Variants in LGALS1 observed in about 807,000 individuals in gnomAD.
LGALS1 encodes galectin 1.
LGALS1 carries 14 observed loss-of-function variants against 14.4 expected under a neutral mutation model. The ratio of observed to expected loss-of-function variants is 0.97; its 90% CI spans 0.64 to 1.52. LGALS1 has a LOEUF of 1.52. Among genes scored for constraint, LGALS1 ranks in the 40% most tolerant of loss-of-function variants. The pLI is 0.00. For missense variants in LGALS1, 170 were observed against 181.4 expected (o/e 0.94, Z 0.36); for synonymous variants, 71 against 73.4 (o/e 0.97, Z 0.17).
At position 37,677,143 on chromosome 22, in the gene LGALS1, A is replaced by G. The variant is rs1015579515; in HGVS notation, c.89+78A>G. The G allele has an allele frequency of 5.1e-6, 7 of 1,376,508 alleles. No homozygotes were observed. In the African/African-American group the frequency reaches 7.1e-5, roughly 14 times the overall value. The allele number at this position is 1,376,508 out of a possible 1,614,324, so 85.3% of individuals were successfully genotyped here. A position where few individuals can be genotyped will look rare whatever the true frequency, so the allele number is the denominator to read the frequency against. ...GGAGGGCGTGGCCGGCCAAGCCCAC[A>G]TCTCCTCCCTGGCCGGGAGCGGGTT... On this transcript the variant is annotated intron_variant, in intron 2 of 3. Coordinates refer to ENST00000215909, the MANE Select transcript of LGALS1 (RefSeq NM_002305.4).
chr22:37,679,781 A>G lies in LGALS1; in HGVS notation c.*32A>G. The G allele has an allele frequency of 1.9e-6, 3 of 1,560,438 alleles. No individual in the cohort carries two copies. Among genetic ancestry groups the G allele is most frequent in the Non-Finnish European group, 2.6e-6 (3 of 1,148,868 alleles). On this transcript the variant is annotated 3_prime_UTR_variant, in exon 4 of 4. Coordinates refer to ENST00000215909, the MANE Select transcript of LGALS1 (RefSeq NM_002305.4). ...CCAGCCCATGGCCCCCAATAAAGGC[A>G]GCTGCCTCTGCTCCCTCTGAACCAG...
intron 1 of LGALS1, 147 bp downstream of exon 1, chr22:37,675,858 A>T (rs1921406155): frequency 1.6e-6 from 1 of 625,568 alleles, no homozygotes; most frequent in Non-Finnish European, 2.6e-6. Context: ...CAGTGGCCAC[A>T]TCTGTAAAAT....
intron 1 of LGALS1, 128 bp from the exon 2 acceptor site, chr22:37,676,858 T>A (rs780409081): frequency 1.2e-6 from 1 of 867,342 alleles, no homozygotes; most frequent in African/African-American, 1.7e-5. Context: ...TTCCCCAGGC[T>A]TCCCCTTGGC....
At chr22:37,679,338 G>C (rs990827123) in intron 3 of LGALS1, among the ~76,000 whole-genome samples, 2 of 151,446 alleles carry the variant, frequency 1.3e-5, no homozygotes, top group Non-Finnish European at 2.9e-5. Flanking sequence ...GGCTGAGACA[G>C]GAGAATCACT....
intron 3 of LGALS1, 21 bp downstream of exon 3, chr22:37,678,675 G>C: frequency 2.6e-6 from 4 of 1,562,134 alleles, no homozygotes; most frequent in South Asian, 1.2e-5. Flanking sequence ...GACCGGAACC[G>C]GGGACCAGGG....
rs1219690779 is a variant in LGALS1, at chr22:37,675,676, C to T, written c.-27C>T. On this transcript the variant is annotated 5_prime_UTR_variant, in exon 1 of 4. Coordinates refer to ENST00000215909, the MANE Select transcript of LGALS1 (RefSeq NM_002305.4). ...AGTCTTCTGACAGCTGGTGCGCCTG[C>T]CCGGGAACATCCTCCTGGACTCAAT... is the stretch of plus-strand genomic sequence containing the variant. 1 of 1,549,624 alleles carries T rather than the reference C, an allele frequency of 6.5e-7. No individual in the cohort carries two copies. Among genetic ancestry groups the T allele is most frequent in the South Asian group, 1.2e-5 (1 of 83,864 alleles).
rs765138665 is a variant in LGALS1, at chr22:37,677,088, T to TG, written c.89+26dup. The TG allele has an allele frequency of 3.7e-6, 6 of 1,611,466 alleles. No individual in the cohort carries two copies. The East Asian group carries it at 1.3e-4, about 36-fold the overall frequency. On this transcript the variant is annotated intron_variant, in intron 2 of 3. Transcript: ENST00000215909. ...GAGGTGAGAAGTGAAGTCGGGGTGGTGGGCGGCAGGGACGGGCTTGGTCCA... is the reference window on the plus strand; with the variant it reads ...GAGGTGAGAAGTGAAGTCGGGGTGGTGGGGCGGCAGGGACGGGCTTGGTCCA...
chr22:37,678,839 A>G lies in LGALS1; in HGVS notation c.261+185A>G, dbSNP rs368568505. On this transcript the variant is annotated intron_variant, in intron 3 of 3. Coordinates refer to ENST00000215909, the MANE Select transcript of LGALS1 (RefSeq NM_002305.4). ...GGTTGATTACAATAAAACGAAGGGG[A>G]AAAAAAAAGGCTGGGCTTGGTGGCT... Among the ~76,000 whole-genome samples the G allele has an allele frequency of 3.3e-3, 500 of 151,546 alleles. 1 individual carries two copies. The highest frequency in any genetic ancestry group is 0.01 in the African/African-American group (434 of 41,350).
Position 37,677,244 on chromosome 22 carries a change from G to T in LGALS1, c.89+179G>T, listed in dbSNP as rs965774852. ...GGGTCTGGGCGCCCCCACCGTTGCC[G>T]CCCCCTCCCCCGCTCCCTCCCTGCT... On this transcript the variant is annotated intron_variant, in intron 2 of 3. Transcript: ENST00000215909. The T allele has an allele frequency of 2.0e-4, 124 of 616,390 alleles. No individual in the cohort carries two copies. The Middle Eastern group carries it at 2.2e-3, about 11-fold the overall frequency. 38.2% of individuals were successfully genotyped at this position (616,390 alleles called of 1,614,324 possible). A position where few individuals can be genotyped will look rare whatever the true frequency, so the allele number is the denominator to read the frequency against.
chr22:37,677,055 G>A lies in LGALS1; in HGVS notation c.79G>A (p.Asp27Asn). The change falls in exon 2 of 4, where the codon GAC becomes AAC. Residue 27 changes from aspartate (D) to asparagine (N), a missense_variant. Asp to Asn is a conservative substitution (Grantham distance 23). Coordinates refer to ENST00000215909, the MANE Select transcript of LGALS1 (RefSeq NM_002305.4). ...CLRVRGEVAPDAKSFVLNLGK... is the reference protein window; with the variant it reads ...CLRVRGEVAPNAKSFVLNLGK... Reference sequence around the variant, plus strand: ...TCGAGTGCGAGGCGAGGTGGCTCCTGACGCTAAGAGGTGAGAAGTGAAGTC... The same window carrying A: ...TCGAGTGCGAGGCGAGGTGGCTCCTAACGCTAAGAGGTGAGAAGTGAAGTC... The A allele has an allele frequency of 6.2e-7, 1 of 1,613,992 alleles. No homozygotes were observed. The highest frequency in any genetic ancestry group is 8.5e-7 in the Non-Finnish European group (1 of 1,179,962).
chr22:37,675,724 A>ACC lies in LGALS1; in HGVS notation c.9+21_9+22dup, dbSNP rs374036530. The ACC allele has an allele frequency of 2.8e-3, 3,994 of 1,406,738 alleles. 38 individuals are homozygous for ACC. The African/African-American group carries it at 0.043, about 15-fold the overall frequency. 87.1% of individuals were successfully genotyped at this position (1,406,738 alleles called of 1,614,324 possible). ...AATCATGGCTTGTGTGAGTGTGGGGACCCCCCCCCAAGGTCCAGGGGATAG... is the reference window on the plus strand; with the variant it reads ...AATCATGGCTTGTGTGAGTGTGGGGACCCCCCCCCCCAAGGTCCAGGGGATAG... On this transcript the variant is annotated intron_variant, in intron 1 of 3. Coordinates refer to ENST00000215909, the MANE Select transcript of LGALS1 (RefSeq NM_002305.4).
chr22:37,678,474 AC>A lies in LGALS1; in HGVS notation c.90-3del, dbSNP rs913923205. The A allele has an allele frequency of 4.3e-6, 7 of 1,613,058 alleles. No homozygotes were observed. In the African/African-American group the frequency reaches 8.0e-5, roughly 18 times the overall value. Reference sequence around the variant, plus strand: ...CGAGGTGGCCTCATGCCCACCCGTTACCCCCCAGCTTCGTGCTGAACCTGGG... The same window carrying A: ...CGAGGTGGCCTCATGCCCACCCGTTACCCCCAGCTTCGTGCTGAACCTGGG... On this transcript the variant is annotated splice_polypyrimidine_tract_variant and splice_region_variant and intron_variant, in intron 2 of 3. Coordinates refer to ENST00000215909, the MANE Select transcript of LGALS1 (RefSeq NM_002305.4).
chr22:37,675,675 G>T lies in LGALS1; in HGVS notation c.-28G>T, dbSNP rs746285667. On this transcript the variant is annotated 5_prime_UTR_variant, in exon 1 of 4. Transcript: ENST00000215909. ...GAGTCTTCTGACAGCTGGTGCGCCT[G>T]CCCGGGAACATCCTCCTGGACTCAA... 6.5e-7 allele frequency: 1 copy of T among 1,549,590 alleles called. No homozygotes were observed. The highest frequency in any genetic ancestry group is 1.2e-5 in the South Asian group (1 of 83,862).
intron 3 of LGALS1, among the ~76,000 whole-genome samples, chr22:37,679,289 G>A (rs1921550681): frequency 6.6e-6 from 1 of 150,904 alleles, no homozygotes; most frequent in African/African-American, 2.4e-5. Context: ...AAATTAGCTG[G>A]GCGTGGTGGC....
In LGALS1 at chr22:37,677,138, C is replaced by A. The variant is rs1005108398; in HGVS notation, c.89+73C>A. 2.1e-6 allele frequency: 3 copies of A among 1,411,582 alleles called. No individual in the cohort carries two copies. In the African/African-American group the frequency reaches 4.2e-5, roughly 20 times the overall value. The allele number at this position is 1,411,582 out of a possible 1,614,324, so 87.4% of individuals were successfully genotyped here. A position where few individuals can be genotyped will look rare whatever the true frequency, so the allele number is the denominator to read the frequency against. ...AGCAGGGAGGGCGTGGCCGGCCAAG[C>A]CCACATCTCCTCCCTGGCCGGGAGC... On this transcript the variant is annotated intron_variant, in intron 2 of 3. Coordinates refer to ENST00000215909, the MANE Select transcript of LGALS1 (RefSeq NM_002305.4).
At chr22:37,679,398 T>C (rs1228557861) in intron 3 of LGALS1, among the ~76,000 whole-genome samples, 9 of 147,940 alleles carry the variant, frequency 6.1e-5, no homozygotes, top group African/African-American at 1.8e-4. Context: ...GCCACTGTAC[T>C]CCAGCCTGGG....
chr22:37,676,719 A>G (rs779574340), intron 1 of LGALS1: 17 of 515,202 alleles, frequency 3.3e-5, no homozygotes, highest in Non-Finnish European at 6.1e-5. Flanking sequence ...TCCCAAGCCA[A>G]TCTGCAAAAT....
intron 3 of LGALS1, among the ~76,000 whole-genome samples, chr22:37,679,126 T>C (rs1285316602): frequency 1.3e-4 from 14 of 109,724 alleles, no homozygotes; most frequent in Admixed American, 2.9e-4. Flanking sequence ...AGCAAAACTC[T>C]GTCTCAAAAA....
chr22:37,675,713 T>A lies in LGALS1; in HGVS notation c.9+2T>A, dbSNP rs112814081. On this transcript the variant is annotated splice_donor_variant, in intron 1 of 3. Transcript: ENST00000215909. LOFTEE classifies it high-confidence loss of function. ...CTCCTGGACTCAATCATGGCTTGTG[T>A]GAGTGTGGGGACCCCCCCCCAAGGT... 38 of 1,541,062 alleles carry A rather than the reference T, an allele frequency of 2.5e-5. No individual in the cohort carries two copies. The highest frequency in any genetic ancestry group is 3.3e-5 in the Non-Finnish European group (38 of 1,142,668).
Sources: gnomAD v4.1 joint callset for allele counts (sites outside exome capture counted in the v4.1 genomes callset) on GRCh38, gnomAD v4.1.1 for gene constraint, MANE v1.5 for transcripts, NCBI Gene and HGNC (gene_info 2026-07-23, HGNC 2026-07-21) for gene names.